PPM1L: variants seen among roughly 807,000 people sequenced by gnomAD.
PPM1L encodes the protein protein phosphatase 1L.
PPM1L carries 13 observed loss-of-function variants against 31.4 expected under a neutral mutation model. The observed-to-expected ratio is 0.41, with a 90% CI of 0.27 to 0.66. The LOEUF (loss-of-function observed/expected upper bound fraction) is 0.66, where lower values mean the gene tolerates loss of function less well. Among genes scored for constraint, PPM1L ranks in the 30% least tolerant of loss-of-function variants. The probability of loss-of-function intolerance (pLI) is 0.29; values close to 1 mark genes in which losing one functional copy is unlikely to be tolerated. For missense variants in PPM1L, 326 were observed against 453.7 expected, an observed-to-expected ratio of 0.72 and a Z score of 2.56; for synonymous variants, 184 against 175.4, an observed-to-expected ratio of 1.05 and a Z score of -0.39.
chr3:160,975,232 A>T (rs1219684834), intron 2 of PPM1L, among the ~76,000 whole-genome samples: 1 of 151,960 alleles, frequency 6.6e-6, no homozygotes, highest in Non-Finnish European at 1.5e-5. Context: ...ATTGATCTAT[A>T]TCTCTGTTTT....
In PPM1L at chr3:160,795,281, G is replaced by C. The variant is rs534979331; in HGVS notation, c.399+38574G>C. On this transcript the variant is annotated intron_variant, in intron 1 of 3. Transcript: ENST00000498165. ...CCTTTTCTAAGTAACTCTAGACCAG[G>C]GTTTAGATCTGGTCTTAACACGGTT... 3.3e-5 allele frequency among the ~76,000 whole-genome samples: 5 copies of C among 152,142 alleles called. No homozygotes were observed. In the East Asian group the frequency reaches 7.7e-4, roughly 23 times the overall value.
chr3:160,769,630 T>C (rs1270290369), intron 1 of PPM1L, among the ~76,000 whole-genome samples: 1 of 152,066 alleles, frequency 6.6e-6, no homozygotes, highest in Non-Finnish European at 1.5e-5. Flanking sequence ...TTTTTTTCTC[T>C]AATATATATC....
At chr3:160,948,361 T>C (rs922752573) in intron 1 of PPM1L, among the ~76,000 whole-genome samples, 1 of 152,202 alleles carries the variant, frequency 6.6e-6, no homozygotes, top group Non-Finnish European at 1.5e-5. Context: ...CTTGTTTGCA[T>C]AGTTATGCAA....
chr3:160,769,317 T>C (rs1172629575), intron 1 of PPM1L, among the ~76,000 whole-genome samples: 1 of 152,186 alleles, frequency 6.6e-6, no homozygotes, highest in Non-Finnish European at 1.5e-5. Context: ...GTAACCTCAT[T>C]GGAGAATGTT....
rs372927601 is a variant in PPM1L, at chr3:160,966,313, A to G, written c.574+4403A>G. Among the ~76,000 whole-genome samples the G allele has an allele frequency of 3.9e-5, 6 of 152,168 alleles. No individual in the cohort carries two copies. In the East Asian group the frequency reaches 1.2e-3, roughly 29 times the overall value. ...GCAGAAATGAACAGAAATATGTAGA[A>G]CAGTATAATATGAGAATAATAATTG... On this transcript the variant is annotated intron_variant, in intron 2 of 3. Transcript: ENST00000498165.
chr3:160,839,104 A>G (rs1270773598), intron 1 of PPM1L, among the ~76,000 whole-genome samples: 1 of 152,190 alleles, frequency 6.6e-6, no homozygotes, highest in Non-Finnish European at 1.5e-5. Flanking sequence ...CCCTCACCAG[A>G]TGCTGGTGCT....
Position 161,070,006 on chromosome 3 carries a change from A to G in PPM1L, c.*849A>G, listed in dbSNP as rs909407582. ...AGGGGAAATGAAAAAAGCAAGCCAC[A>G]ATACCATGATTCCTTCCATTTTCAA... is the stretch of plus-strand genomic sequence containing the variant. On this transcript the variant is annotated 3_prime_UTR_variant, in exon 4 of 4. Transcript: ENST00000498165. The G allele has an allele frequency of 9.8e-5, 15 of 152,332 alleles. 1 individual carries two copies. The highest frequency in any genetic ancestry group is 9.2e-4 in the Admixed American group (14 of 15,300). The allele number at this position is 152,332 out of a possible 1,614,324, so 9.4% of individuals were successfully genotyped here. A position where few individuals can be genotyped will look rare whatever the true frequency, so the allele number is the denominator to read the frequency against.
At chr3:160,989,904 A>G (rs185693334) in intron 2 of PPM1L, among the ~76,000 whole-genome samples, 20 of 152,272 alleles carry the variant, frequency 1.3e-4, no homozygotes, top group African/African-American at 3.8e-4. Flanking sequence ...GTCTCAAGCA[A>G]TCCTCCTGCC....
chr3:160,804,090 T>C (rs1032275031), intron 1 of PPM1L, among the ~76,000 whole-genome samples: 1 of 150,916 alleles, frequency 6.6e-6, no homozygotes, highest in Non-Finnish European at 1.5e-5. Flanking sequence ...GCTAATTTTT[T>C]TTCTTTTTTT....
intron 1 of PPM1L, 49 bp from the exon 2 acceptor site, chr3:160,961,687 G>C (rs950685575): frequency 1.6e-5 from 24 of 1,510,812 alleles, no homozygotes; most frequent in Non-Finnish European, 2.0e-5. Flanking sequence ...AAAAGTCTAA[G>C]GGGAGAATTT....
intron 2 of PPM1L, among the ~76,000 whole-genome samples, chr3:161,003,681 A>G (rs1717588647): frequency 6.6e-6 from 1 of 152,200 alleles, no homozygotes; most frequent in Non-Finnish European, 1.5e-5. Flanking sequence ...ATTTTTGTAC[A>G]TTGATTTTGT....
chr3:160,814,816 T>C (rs527577659), intron 1 of PPM1L, among the ~76,000 whole-genome samples: 1 of 151,868 alleles, frequency 6.6e-6, no homozygotes, highest in South Asian at 2.1e-4. Flanking sequence ...GGAATACTAC[T>C]CAGCCATGAA....
At chr3:160,973,588 T>G (rs1716427493) in intron 2 of PPM1L, among the ~76,000 whole-genome samples, 1 of 152,174 alleles carries the variant, frequency 6.6e-6, no homozygotes, top group Admixed American at 6.5e-5. Flanking sequence ...ATGGTCCATT[T>G]GTAGTAGTGA....
At chr3:160,793,326 A>G (rs555588624) in intron 1 of PPM1L, among the ~76,000 whole-genome samples, 3 of 152,210 alleles carry the variant, frequency 2.0e-5, no homozygotes, top group Non-Finnish European at 4.4e-5. Flanking sequence ...AGAATCATGG[A>G]GTTGGATGGG....
chr3:160,915,109 A>G (rs1478395226), intron 1 of PPM1L, among the ~76,000 whole-genome samples: 1 of 152,184 alleles, frequency 6.6e-6, no homozygotes. Flanking sequence ...GAAAAGAGGA[A>G]GTCAAATTGT....
At chr3:160,846,746 C>T (rs1033373660) in intron 1 of PPM1L, among the ~76,000 whole-genome samples, 1 of 151,994 alleles carries the variant, frequency 6.6e-6, no homozygotes, top group Admixed American at 6.6e-5. Flanking sequence ...AATTAGCATA[C>T]CATAAACTTC....
rs541123573 is a variant in PPM1L, at chr3:161,046,208, G to T, written c.575-19195G>T. Among the ~76,000 whole-genome samples, 3 of 147,384 alleles carry T rather than the reference G, an allele frequency of 2.0e-5. No homozygotes were observed. In the South Asian group the frequency reaches 6.6e-4, roughly 32 times the overall value. ...GACCGCTAGCAAGACTAATAAAGAAGAAAAGAGAGAAGAAGCAAATAGACA... is the reference window on the plus strand; with the variant it reads ...GACCGCTAGCAAGACTAATAAAGAATAAAAGAGAGAAGAAGCAAATAGACA... On this transcript the variant is annotated intron_variant, in intron 2 of 3. Coordinates refer to ENST00000498165, the MANE Select transcript of PPM1L (RefSeq NM_139245.4).
chr3:160,840,653 C>T (rs1713843734), intron 1 of PPM1L, among the ~76,000 whole-genome samples: 1 of 151,364 alleles, frequency 6.6e-6, no homozygotes, highest in African/African-American at 2.4e-5. Context: ...GCACAAGTCT[C>T]CAAAGGCTGG....
chr3:161,039,967 C>T (rs1293940775), intron 2 of PPM1L, among the ~76,000 whole-genome samples: 1 of 151,996 alleles, frequency 6.6e-6, no homozygotes, highest in Non-Finnish European at 1.5e-5. Flanking sequence ...CTGATTTCTG[C>T]AAGCTTTTGG....
Sources: allele counts gnomAD v4.1 joint callset (sites outside exome capture counted in the v4.1 genomes callset), GRCh38; gene constraint gnomAD v4.1.1; transcripts MANE v1.5; gene names NCBI Gene and HGNC (gene_info 2026-07-23, HGNC 2026-07-21).